MSTO1: variants seen among roughly 807,000 people sequenced by gnomAD.
MSTO1 encodes protein misato homolog 1.
Under a neutral mutation model 55.7 loss-of-function variants are expected in MSTO1, and 24 were observed. The observed-to-expected ratio is 0.43, with a 90% confidence interval of 0.31 to 0.61. The LOEUF (loss-of-function observed/expected upper bound fraction) is 0.61. Among genes scored for constraint, MSTO1 ranks in the 20% least tolerant of loss-of-function variants. The probability of loss-of-function intolerance (pLI) is 0.09; values close to 1 mark genes in which losing one functional copy is unlikely to be tolerated. For missense variants in MSTO1, 363 were observed against 625.7 expected (o/e 0.58, Z 4.48); for synonymous variants, 162 against 252.8 (o/e 0.64, Z 3.41).
chr1:155,602,139 A>G, the MSTO1 span: 1 of 712,434 alleles, frequency 1.4e-6, no homozygotes, highest in Admixed American at 1.8e-5. Flanking sequence ...CGCTTTGATC[A>G]ACCTTTAGAG....
the MSTO1 span, among the ~76,000 whole-genome samples, chr1:155,568,072 T>TTATTC: frequency 6.6e-6 from 1 of 150,730 alleles, no homozygotes; most frequent in East Asian, 1.9e-4. Flanking sequence ...TTATTTTATT[T>TTATTC]TATTTTATTT....
chr1:155,604,689 A>T, the MSTO1 span, among the ~76,000 whole-genome samples: 5 of 152,010 alleles, frequency 3.3e-5, no homozygotes, highest in Admixed American at 2.0e-4. Flanking sequence ...CCGTCTGGGC[A>T]ACATGGTGAA....
chr1:155,580,393 G>A, the MSTO1 span, among the ~76,000 whole-genome samples: 2 of 152,142 alleles, frequency 1.3e-5, no homozygotes, highest in Non-Finnish European at 1.5e-5. Flanking sequence ...AAATTAGCCA[G>A]GCGTGGTGGT....
upstream of MSTO1, among the ~76,000 whole-genome samples, chr1:155,609,264 G>A (rs1365219691): frequency 1.1e-4 from 1 of 8,814 alleles, no homozygotes; most frequent in Admixed American, 1.1e-3. Context: ...TTTTTTTTTT[G>A]AGACAGAGTC....
the MSTO1 span, among the ~76,000 whole-genome samples, chr1:155,600,883 A>G: frequency 1.0e-4 from 15 of 147,496 alleles, no homozygotes; most frequent in Admixed American, 6.1e-4. Context: ...TCACTGCGTT[A>G]GCCAGTATGG....
chr1:155,584,185 C>T, the MSTO1 span, among the ~76,000 whole-genome samples: 5 of 151,898 alleles, frequency 3.3e-5, no homozygotes, highest in Non-Finnish European at 7.4e-5. Flanking sequence ...GGCAACATAG[C>T]GAGACCCTGT....
At chr1:155,609,235 A>T (rs1296146215), upstream of MSTO1, among the ~76,000 whole-genome samples, 38 of 49,316 alleles carry the variant, frequency 7.7e-4, no homozygotes, top group African/African-American at 1.4e-3. Flanking sequence ...ATATATATAT[A>T]TATATATATT....
At position 155,612,898 on chromosome 1, in the gene MSTO1, A is replaced by G. The variant is rs757761857; in HGVS notation, c.1021A>G (p.Thr341Ala). Residue 341 changes from threonine to alanine, a missense_variant, in exon 10 of 14, where the codon ACT (threonine) becomes GCT (alanine). Physicochemically the swap from Thr to Ala is moderately conservative, Grantham distance 58. Around this residue, in one of 3 missense-constraint regions of MSTO1, gnomAD observed 231 missense variants for 286.9 expected, o/e 0.81. Coordinates refer to ENST00000245564, the MANE Select transcript of MSTO1 (RefSeq NM_018116.4). ...CCTGGCTACAGCCCTGGACACAGTC[A>G]CTGTTCCTTATCGCCTGTGTTCCTC... is the stretch of plus-strand genomic sequence containing the variant. Reference protein sequence around the residue: ...AILATALDTVTVPYRLCSSPV... With the variant: ...AILATALDTVAVPYRLCSSPV... The G allele has an allele frequency of 1.7e-5, 27 of 1,613,630 alleles. No homozygotes were observed. The highest frequency in any genetic ancestry group is 6.7e-5 in the Admixed American group (4 of 60,002).
At chr1:155,568,464 G>C in the MSTO1 span, among the ~76,000 whole-genome samples, 11 of 139,264 alleles carry the variant, frequency 7.9e-5, no homozygotes, top group South Asian at 1.9e-3. Context: ...TTTGAGATGC[G>C]GTCTCACTCT....
the MSTO1 span, among the ~76,000 whole-genome samples, chr1:155,564,280 G>C: frequency 6.1e-3 from 936 of 152,284 alleles, 10 homozygotes; most frequent in African/African-American, 0.022. Context: ...GATGACCTGA[G>C]GTCAGGAGTT....
At chr1:155,571,899 G>T in the MSTO1 span, among the ~76,000 whole-genome samples, 1 of 151,964 alleles carries the variant, frequency 6.6e-6, no homozygotes. Context: ...AAAATTAGTC[G>T]GATGTGGTGG....
the MSTO1 span, among the ~76,000 whole-genome samples, chr1:155,567,468 C>T: frequency 2.6e-5 from 4 of 151,968 alleles, no homozygotes; most frequent in African/African-American, 9.7e-5. Context: ...CCCGCCACTG[C>T]GCCCGGCTAA....
At chr1:155,584,868 G>A in the MSTO1 span, among the ~76,000 whole-genome samples, 1 of 151,394 alleles carries the variant, frequency 6.6e-6, no homozygotes, top group African/African-American at 2.4e-5. Flanking sequence ...AGCCTCCTAT[G>A]TGGCTAGGAC....
chr1:155,606,638 C>G (rs1672940227), upstream of MSTO1, among the ~76,000 whole-genome samples: 1 of 151,898 alleles, frequency 6.6e-6, no homozygotes, highest in South Asian at 2.1e-4. Flanking sequence ...AGGTGATCGC[C>G]TGCCTCAGCC....
the MSTO1 span, among the ~76,000 whole-genome samples, chr1:155,570,752 T>C: frequency 3.9e-5 from 6 of 152,236 alleles, no homozygotes; most frequent in East Asian, 1.2e-3. Context: ...TATATACCTA[T>C]AGGAAAAAAC....
the MSTO1 span, among the ~76,000 whole-genome samples, chr1:155,564,874 C>T: frequency 3.8e-3 from 572 of 152,306 alleles, 5 homozygotes; most frequent in Admixed American, 7.6e-3. Context: ...GTAATCCCAG[C>T]ACTTTGGGAG....
chr1:155,574,563 G>C, the MSTO1 span, among the ~76,000 whole-genome samples: 1 of 152,004 alleles, frequency 6.6e-6, no homozygotes, highest in Admixed American at 6.6e-5. Flanking sequence ...AGTTTACATT[G>C]GTTTGTTTGT....
At position 155,612,407 on chromosome 1, in the gene MSTO1, T is replaced by TG. The variant is rs1674381868; in HGVS notation, c.814-11_814-10insG. On this transcript the variant is annotated splice_polypyrimidine_tract_variant and intron_variant, in intron 8 of 13. Transcript: ENST00000245564. Reference sequence around the variant, plus strand: ...AGAGCTGCTTAATACAAACTACTCTTTCTTCACCAGGAGGCCCAGAGAAAC... The same window carrying TG: ...AGAGCTGCTTAATACAAACTACTCTTGTCTTCACCAGGAGGCCCAGAGAAAC... The TG allele has an allele frequency of 1.9e-6, 3 of 1,607,982 alleles. No homozygotes were observed. The highest frequency in any genetic ancestry group is 2.5e-6 in the Non-Finnish European group (3 of 1,176,854).
the MSTO1 span, among the ~76,000 whole-genome samples, chr1:155,576,809 A>T: frequency 0.039 from 5,839 of 148,860 alleles, 390 homozygotes; most frequent in African/African-American, 0.14. Context: ...AGGTCAGGAG[A>T]TCGAGACCAT....
Sources: allele counts gnomAD v4.1 joint callset (sites outside exome capture counted in the v4.1 genomes callset), GRCh38; gene constraint gnomAD v4.1.1; regional missense constraint gnomAD v4.1.1; transcripts MANE v1.5; gene names NCBI Gene and HGNC (gene_info 2026-07-23, HGNC 2026-07-21).